Variants in CACNA2D1 observed in about 807,000 individuals in gnomAD.
CACNA2D1 encodes voltage-dependent calcium channel subunit alpha-2/delta-1.
Under a neutral mutation model 171.5 loss-of-function variants are expected in CACNA2D1, and 53 were observed. That is an observed-to-expected ratio of 0.31 (90% CI 0.25 to 0.39). The LOEUF (loss-of-function observed/expected upper bound fraction) is 0.39, where lower values mean the gene tolerates loss of function less well. Among genes scored for constraint, CACNA2D1 ranks in the 10% least tolerant of loss-of-function variants. CACNA2D1 has a pLI of 1.00. For missense variants in CACNA2D1, 903 were observed against 1,299.8 expected, an observed-to-expected ratio of 0.69 and a Z score of 4.69; for synonymous variants, 442 against 443.1, an observed-to-expected ratio of 1.00 and a Z score of 0.03.
rs1048350703 is a variant in CACNA2D1, at chr7:82,153,718, G to A, written c.354+16832C>T. On this transcript the variant is annotated intron_variant, in intron 4 of 38. Coordinates refer to ENST00000356860, the MANE Select transcript of CACNA2D1 (RefSeq NM_000722.4). ...AGTCATTGATTTATAACTGGATTAT[G>A]TATAGGGATAAAGAAAATTGTTTTA... Among the ~76,000 whole-genome samples, 7 of 152,066 alleles carry A rather than the reference G, an allele frequency of 4.6e-5. No homozygotes were observed. The South Asian group carries it at 1.5e-3, about 32-fold the overall frequency.
intron 4 of CACNA2D1, among the ~76,000 whole-genome samples, chr7:82,139,040 A>G (rs1792044671): frequency 6.6e-6 from 1 of 152,182 alleles, no homozygotes; most frequent in Non-Finnish European, 1.5e-5. Flanking sequence ...CAAGCAGTTC[A>G]ACATCGTCAT....
intron 4 of CACNA2D1, among the ~76,000 whole-genome samples, chr7:82,151,632 A>C (rs1339590988): frequency 1.3e-5 from 2 of 152,156 alleles, no homozygotes; most frequent in African/African-American, 4.8e-5. Context: ...TACTTCAGTC[A>C]TAAGAGGCTG....
intron 2 of CACNA2D1, among the ~76,000 whole-genome samples, chr7:82,348,790 A>C (rs1437479778): frequency 6.6e-6 from 1 of 152,186 alleles, no homozygotes; most frequent in African/African-American, 2.4e-5. Flanking sequence ...GGAAAATAAA[A>C]GGCCTCATTG....
At chr7:82,366,917 T>TTTTTTTTTTTTTTTTTTTTTTTTTTTTTC (rs1821801203) in intron 1 of CACNA2D1, among the ~76,000 whole-genome samples, 1 of 143,558 alleles carries the variant, frequency 7.0e-6, no homozygotes, top group Non-Finnish European at 1.5e-5. Context: ...TTTTTTTTTT[T>TTTTTTTTTTTTTTTTTTTTTTTTTTTTTC]TTTTTTTTTG....
At chr7:82,001,704 T>C in intron 18 of CACNA2D1, 2 of 1,228,038 alleles carry the variant, frequency 1.6e-6, no homozygotes, top group Non-Finnish European at 2.2e-6. Context: ...TTGGTATACC[T>C]ACACCAATAG....
At chr7:82,123,721 G>A (rs4728498) in intron 5 of CACNA2D1, among the ~76,000 whole-genome samples, 25,435 of 151,974 alleles carry the variant, frequency 0.17, 2,511 homozygotes, top group East Asian at 0.34. Flanking sequence ...AGCAGCTTAA[G>A]CTCATTAAAT....
At chr7:82,425,157 A>G (rs779877537) in intron 1 of CACNA2D1, among the ~76,000 whole-genome samples, 2 of 152,204 alleles carry the variant, frequency 1.3e-5, no homozygotes, top group Non-Finnish European at 2.9e-5. Context: ...AGTATAATGA[A>G]TGATCTAACT....
intron 3 of CACNA2D1, among the ~76,000 whole-genome samples, chr7:82,299,729 T>A (rs1258424818): frequency 6.6e-6 from 1 of 151,926 alleles, no homozygotes; most frequent in Non-Finnish European, 1.5e-5. Context: ...CACTATCACA[T>A]CTTTCAAACT....
At chr7:82,241,540 G>A (rs1169991811) in intron 3 of CACNA2D1, among the ~76,000 whole-genome samples, 10 of 151,992 alleles carry the variant, frequency 6.6e-5, no homozygotes, top group African/African-American at 2.2e-4. Context: ...ATCAATTTGG[G>A]GATTCATGAC....
At chr7:82,201,101 G>C (rs1327005148) in intron 3 of CACNA2D1, among the ~76,000 whole-genome samples, 1 of 152,104 alleles carries the variant, frequency 6.6e-6, no homozygotes. Context: ...ACAAATAATA[G>C]ATGTGATACC....
At chr7:82,132,655 G>A (rs936821841) in intron 5 of CACNA2D1, among the ~76,000 whole-genome samples, 2 of 152,140 alleles carry the variant, frequency 1.3e-5, no homozygotes, top group African/African-American at 2.4e-5. Context: ...CAGAGAATGG[G>A]GAGAAGAACC....
At chr7:82,269,378 A>T (rs1025282098) in intron 3 of CACNA2D1, among the ~76,000 whole-genome samples, 6 of 152,180 alleles carry the variant, frequency 3.9e-5, no homozygotes, top group African/African-American at 1.4e-4. Flanking sequence ...CCAAGGGCAG[A>T]TGCTATACAA....
intron 4 of CACNA2D1, among the ~76,000 whole-genome samples, chr7:82,137,118 T>C (rs372937578): frequency 9.9e-5 from 15 of 152,122 alleles, no homozygotes; most frequent in African/African-American, 3.1e-4. Flanking sequence ...CTATACAATA[T>C]TGGCAGAAAT....
chr7:82,031,544 T>C (rs1802700028), intron 12 of CACNA2D1, among the ~76,000 whole-genome samples: 1 of 151,920 alleles, frequency 6.6e-6, no homozygotes, highest in African/African-American at 2.4e-5. Flanking sequence ...CCTTAAACCT[T>C]ACATTAAACT....
chr7:81,980,133 G>C (rs1796294584), intron 24 of CACNA2D1, among the ~76,000 whole-genome samples: 1 of 62,430 alleles, frequency 1.6e-5, no homozygotes, highest in Non-Finnish European at 3.0e-5. Flanking sequence ...AAAGGGAAAA[G>C]AGAATTAATG....
At chr7:82,314,968 A>G (rs1258581934) in intron 3 of CACNA2D1, among the ~76,000 whole-genome samples, 1 of 145,792 alleles carries the variant, frequency 6.9e-6, no homozygotes, top group East Asian at 2.0e-4. Flanking sequence ...AAAGTTAAGC[A>G]TATTATCTTT....
chr7:81,991,301 C>T (rs147488369), intron 20 of CACNA2D1, 55 bp from the exon 21 acceptor site: 22 of 886,484 alleles, frequency 2.5e-5, no homozygotes, highest in Middle Eastern at 2.2e-4. Context: ...TGAATATATA[C>T]GAAAAGTAAA....
chr7:82,168,879 C>T (rs1283766035), intron 4 of CACNA2D1, among the ~76,000 whole-genome samples: 5 of 151,982 alleles, frequency 3.3e-5, no homozygotes, highest in East Asian at 1.9e-4. Context: ...AATGTATAAT[C>T]TATATATTTC....
chr7:81,954,630 T>C (rs1793005053), intron 38 of CACNA2D1, among the ~76,000 whole-genome samples: 1 of 152,140 alleles, frequency 6.6e-6, no homozygotes, highest in South Asian at 2.1e-4. Context: ...TTATTAAATT[T>C]AGAAGTACAT....
Sources: allele counts gnomAD v4.1 joint callset (sites outside exome capture counted in the v4.1 genomes callset), GRCh38; gene constraint gnomAD v4.1.1; transcripts MANE v1.5; gene names NCBI Gene and HGNC (gene_info 2026-07-23, HGNC 2026-07-21).